Variants in MPZL1 observed in about 807,000 individuals in gnomAD.
The protein encoded by MPZL1 is myelin protein zero-like protein 1.
MPZL1 carries 16 observed loss-of-function variants against 29.3 expected under a neutral mutation model. That is an observed-to-expected ratio of 0.55 (90% CI 0.37 to 0.83). MPZL1 has a LOEUF of 0.83. Among genes scored for constraint, MPZL1 ranks in the 40% least tolerant of loss-of-function variants. The probability of loss-of-function intolerance (pLI) is 0.00; values close to 1 mark genes in which losing one functional copy is unlikely to be tolerated. For missense variants in MPZL1, 279 were observed against 332.9 expected, an observed-to-expected ratio of 0.84 and a Z score of 1.26; for synonymous variants, 143 against 132.0, an observed-to-expected ratio of 1.08 and a Z score of -0.57.
chr1:167,742,017 AG>A (rs1660539668), intron 1 of MPZL1, among the ~76,000 whole-genome samples: 1 of 151,830 alleles, frequency 6.6e-6, no homozygotes, highest in Admixed American at 6.6e-5. Flanking sequence ...TGGGTGACAA[AG>A]TGAGACCCTG....
At position 167,787,880 on chromosome 1, in the gene MPZL1, A is replaced by C. The variant is rs776847529; in HGVS notation, c.769A>C (p.Lys257Gln). ...CGGACATCACAGTGACAAGATTAAC[A>C]AGTCAGAGTCTGTGGTGTATGCGGA... ...SGGHHSDKIN[K>Q]SESVVYADIR... Residue 257 changes from lysine (K) to glutamine (Q), a missense_variant, in exon 6 of 6, where the codon AAG (lysine) becomes CAG (glutamine). Transcript: ENST00000359523. 1.9e-6 allele frequency: 3 copies of C among 1,613,806 alleles called. No individual in the cohort carries two copies. The highest frequency in any genetic ancestry group is 1.7e-6 in the Non-Finnish European group (2 of 1,179,688).
Sources: gnomAD v4.1 joint callset for allele counts (sites outside exome capture counted in the v4.1 genomes callset) on GRCh38, gnomAD v4.1.1 for gene constraint, MANE v1.5 for transcripts, NCBI Gene and HGNC (gene_info 2026-07-23, HGNC 2026-07-21) for gene names.